The following ZNF737 variants were observed in gnomAD, a reference collection of about 807,000 sequenced individuals.
The protein encoded by ZNF737 is zinc finger protein 737.
Under a neutral mutation model 11.7 loss-of-function variants are expected in ZNF737, and 13 were observed. That is an observed-to-expected ratio of 1.11 (90% CI 0.73 to 1.77). The LOEUF is 1.77. Ranked by LOEUF, ZNF737 falls within the 40% of genes most tolerant of loss-of-function variation. ZNF737 has a pLI of 0.00. For synonymous variants in ZNF737, 217 were observed against 216.2 expected, an observed-to-expected ratio of 1.00 and a Z score of -0.03; for missense variants, 636 against 638.0, an observed-to-expected ratio of 1.00 and a Z score of 0.03.
At chr19:20,558,046 C>T (rs141405045) in intron 1 of ZNF737, among the ~76,000 whole-genome samples, 2 of 152,088 alleles carry the variant, frequency 1.3e-5, no homozygotes, top group African/African-American at 4.8e-5. Flanking sequence ...GGGTGGATCA[C>T]GACCTCAGGA....
chr19:20,534,830 C>A (rs1317665025), downstream of ZNF737, among the ~76,000 whole-genome samples: 19 of 149,798 alleles, frequency 1.3e-4, no homozygotes, highest in Admixed American at 1.3e-3. Context: ...TAAATGACTA[C>A]CAGTAGCTAG....
intron 1 of ZNF737, among the ~76,000 whole-genome samples, chr19:20,555,897 C>T (rs1555760997): frequency 6.6e-6 from 1 of 151,842 alleles, no homozygotes; most frequent in Non-Finnish European, 1.5e-5. Context: ...GGACAAATTA[C>T]ACCTGAATCT....
chr19:20,548,985 T>TAAAAAAAAC (rs1555757702), intron 3 of ZNF737, among the ~76,000 whole-genome samples: 1 of 72,772 alleles, frequency 1.4e-5, no homozygotes, highest in African/African-American at 6.7e-5. Flanking sequence ...AAAAAACAAT[T>TAAAAAAAAC]ATGTATCTTT....
downstream of ZNF737, among the ~76,000 whole-genome samples, chr19:20,531,248 C>T (rs7251568): frequency 5.2e-5 from 4 of 77,110 alleles, no homozygotes; most frequent in South Asian, 6.3e-4. Context: ...AGAGGGGAGA[C>T]GGGAGAGGGG....
At chr19:20,546,465 C>T (rs1223538371) in intron 3 of ZNF737, among the ~76,000 whole-genome samples, 4 of 152,154 alleles carry the variant, frequency 2.6e-5, no homozygotes, top group African/African-American at 9.7e-5. Flanking sequence ...GTTTGAAGAA[C>T]ATAGACATCC....
intron 3 of ZNF737, among the ~76,000 whole-genome samples, chr19:20,548,623 T>C (rs1391648443): frequency 1.3e-5 from 2 of 150,434 alleles, no homozygotes; most frequent in Non-Finnish European, 3.0e-5. Context: ...ATGAACAGCT[T>C]TTTTTTTTGA....
chr19:20,544,333 C>G lies in ZNF737; in HGVS notation c.*259G>C. On this transcript the variant is annotated 3_prime_UTR_variant, in exon 4 of 4. Transcript: ENST00000427401. ...AGCTGGTTAAAGGCTTTCCGACATTCATCAAACTCACAGGGTTTCTCTCCA... is the reference window on the plus strand; with the variant it reads ...AGCTGGTTAAAGGCTTTCCGACATTGATCAAACTCACAGGGTTTCTCTCCA... 7.6e-7 allele frequency: 1 copy of G among 1,308,974 alleles called. No individual in the cohort carries two copies. Among genetic ancestry groups the G allele is most frequent in the African/African-American group, 1.5e-5 (1 of 67,198 alleles). The allele number at this position is 1,308,974 out of a possible 1,614,324, so 81.1% of individuals were successfully genotyped here. A position where few individuals can be genotyped will look rare whatever the true frequency, so the allele number is the denominator to read the frequency against.
At chr19:20,536,635 C>A (rs575347464), downstream of ZNF737, among the ~76,000 whole-genome samples, 33 of 152,198 alleles carry the variant, frequency 2.2e-4, no homozygotes, top group Non-Finnish European at 3.2e-4. Context: ...TGGTGAAACA[C>A]CGTCTCTACT....
At chr19:20,547,551 TC>T (rs1387888971) in intron 3 of ZNF737, among the ~76,000 whole-genome samples, 1 of 152,130 alleles carries the variant, frequency 6.6e-6, no homozygotes, top group Non-Finnish European at 1.5e-5. Context: ...AATAATCTCT[TC>T]AAAAAATGAA....
chr19:20,556,979 G>A (rs1436296127), intron 1 of ZNF737, among the ~76,000 whole-genome samples: 1 of 152,094 alleles, frequency 6.6e-6, no homozygotes, highest in African/African-American at 2.4e-5. Flanking sequence ...TTCTTCTTCT[G>A]TTTCTCTCTC....
chr19:20,534,996 CCA>C (rs1164403832), downstream of ZNF737, among the ~76,000 whole-genome samples: 4 of 149,608 alleles, frequency 2.7e-5, no homozygotes, highest in Non-Finnish European at 5.9e-5. Flanking sequence ...AAGGTTTTTA[CCA>C]GTCATAATTT....
rs782545661 is a variant in ZNF737 at position 20,545,689 on chromosome 19, G to GT, written c.513dup (p.Pro172ThrfsTer12). 5.6e-6 allele frequency: 9 copies of GT among 1,613,474 alleles called. No homozygotes were observed. Among genetic ancestry groups the GT allele is most frequent in the Admixed American group, 1.7e-5 (1 of 59,892 alleles). ...TTGCCACATTCTATACATTTGAAAG[G>GT]TTTTTTTCCAGTATGTCTTATCTTA... On this transcript the variant is annotated frameshift_variant, in exon 4 of 4. Transcript: ENST00000427401. LOFTEE classifies it low-confidence loss of function (END_TRUNC).
chr19:20,540,917 C>G lies in ZNF737; in HGVS notation c.*3675G>C. The G allele has an allele frequency of 1.0e-6, 1 of 969,414 alleles. No homozygotes were observed. The highest frequency in any genetic ancestry group is 1.2e-6 in the Non-Finnish European group (1 of 815,390). The allele number at this position is 969,414 out of a possible 1,614,324, so 60.1% of individuals were successfully genotyped here. On this transcript the variant is annotated 3_prime_UTR_variant, in exon 4 of 4. Coordinates refer to ENST00000427401, the MANE Select transcript of ZNF737 (RefSeq NM_001159293.2). ...TGCACCATTTATACATTCACACACA[C>G]ATAGAACAATAAAAATATATCCAAT... is the stretch of plus-strand genomic sequence containing the variant.
Position 20,540,092 on chromosome 19 carries a change from C to A in ZNF737, c.*4500G>T. On this transcript the variant is annotated 3_prime_UTR_variant, in exon 4 of 4. Transcript: ENST00000427401. ...TCTGCCATAGAATCCTCTTATGTTC[C>A]TTACTGGAAGCAACATGGAGGAGGC... The A allele has an allele frequency of 1.0e-6, 1 of 985,244 alleles. No homozygotes were observed. The highest frequency in any genetic ancestry group is 1.2e-6 in the Non-Finnish European group (1 of 829,916). 61.0% of individuals were successfully genotyped at this position (985,244 alleles called of 1,614,324 possible).
At position 20,545,636 on chromosome 19, in the gene ZNF737, A is replaced by G. The variant is rs782528596; in HGVS notation, c.567T>C (p.Thr189=). ...CCCCAGTATGAATTTTCTTATGTGTAGTAAGGGTTGAAGACTGGTTAAAAG... is the reference window on the plus strand; with the variant it reads ...CCCCAGTATGAATTTTCTTATGTGTGGTAAGGGTTGAAGACTGGTTAAAAG... ...GKAFNQSSTL[T]THKKIHTGEK... Residue 189 remains threonine, a synonymous_variant, in exon 4 of 4, where the codon ACT becomes ACC. Coordinates refer to ENST00000427401, the MANE Select transcript of ZNF737 (RefSeq NM_001159293.2). 5.6e-6 allele frequency: 9 copies of G among 1,614,046 alleles called. No individual in the cohort carries two copies. Among genetic ancestry groups the G allele is most frequent in the Non-Finnish European group, 7.6e-6 (9 of 1,179,966 alleles).
rs1968419428 is a variant in ZNF737, at chr19:20,545,547, T to C, written c.656A>G (p.His219Arg). The change falls in exon 4 of 4, where the codon CAT becomes CGT. Residue 219 changes from histidine (H) to arginine (R), a missense_variant. Coordinates refer to ENST00000427401, the MANE Select transcript of ZNF737 (RefSeq NM_001159293.2). ...AFNWSSHLTT[H>R]KRIHTGEKRY... The stretch of plus-strand genomic sequence containing the variant: ...TTTCTCTCCAGTATGAATTCTCTTA[T>C]GTGTAGTAAGGTGTGAGGACCAGTT... 8 of 1,613,696 alleles carry C rather than the reference T, an allele frequency of 5.0e-6. No individual in the cohort carries two copies. Among genetic ancestry groups the C allele is most frequent in the East Asian group, 2.2e-5 (1 of 44,886 alleles).
Position 20,545,017 on chromosome 19 carries a change from G to T in ZNF737, c.1186C>A (p.Pro396Thr), listed in dbSNP as rs782271224. ...TCGCCACATTCTTCACATTTGTAGG[G>T]TTTCTCTCCAGTATGAATTCTCTTA... ...THKRIHTGEK[P>T]YKCEECGEAF... The change falls in exon 4 of 4, where the codon CCC becomes ACC. Residue 396 changes from proline (P) to threonine (T), a missense_variant. Coordinates refer to ENST00000427401, the MANE Select transcript of ZNF737 (RefSeq NM_001159293.2). 1.9e-6 allele frequency: 3 copies of T among 1,613,744 alleles called. No homozygotes were observed. Among genetic ancestry groups the T allele is most frequent in the East Asian group, 2.2e-5 (1 of 44,846 alleles).
At chr19:20,563,604 G>T (rs1298092782) in intron 1 of ZNF737, among the ~76,000 whole-genome samples, 13 of 150,462 alleles carry the variant, frequency 8.6e-5, no homozygotes, top group African/African-American at 2.7e-4. Context: ...TTGTGCCTCA[G>T]CCTCCCATGT....
At chr19:20,557,305 C>G (rs1275563112) in intron 1 of ZNF737, among the ~76,000 whole-genome samples, 1 of 152,070 alleles carries the variant, frequency 6.6e-6, no homozygotes, top group Non-Finnish European at 1.5e-5. Context: ...CCAGCCAAAA[C>G]TTTGATCTCT....
Sources: gnomAD v4.1 joint callset for allele counts (sites outside exome capture counted in the v4.1 genomes callset) on GRCh38, gnomAD v4.1.1 for gene constraint, MANE v1.5 for transcripts, NCBI Gene and HGNC (gene_info 2026-07-23, HGNC 2026-07-21) for gene names.